Variants in COL4A6 observed in about 807,000 individuals in gnomAD.
COL4A6 encodes collagen alpha-6(IV) chain.
In COL4A6, 59 loss-of-function variants were observed where a neutral mutation model predicts 126.7. The ratio of observed to expected loss-of-function variants is 0.47; its 90% confidence interval spans 0.38 to 0.58. COL4A6 has a LOEUF of 0.58. Among genes scored for constraint, COL4A6 ranks in the 20% least tolerant of loss-of-function variants. The pLI is 0.00. For synonymous variants in COL4A6, 547 were observed against 496.6 expected (o/e 1.10, Z -1.35); for missense variants, 1,285 against 1,337.3 (o/e 0.96, Z 0.61).
chrX:108,220,972 C>T (rs769138571), intron 4 of COL4A6: 110 of 344,216 alleles, frequency 3.2e-4, no homozygotes, highest in Non-Finnish European at 5.0e-4. Flanking sequence ...GTGGCAGGCA[C>T]CTGTAATCCC....
intron 3 of COL4A6, among the ~76,000 whole-genome samples, chrX:108,298,755 C>T (rs1569414476): frequency 9.2e-6 from 1 of 109,194 alleles, no homozygotes. Context: ...GGCGGACTTG[C>T]CACATTGCAG....
rs779748859 is a variant in COL4A6, at chrX:108,187,279, C to T, written c.1768G>A (p.Gly590Ser). ...PGLPGLPGLPGDGGQGFPGEK... is the reference protein window; with the variant it reads ...PGLPGLPGLPSDGGQGFPGEK... ...CCTGGGAAGCCCTGTCCACCATCAC[C>T]CTAGACAACATATAAAACAAAGAAT... The change falls in exon 23 of 45, where the codon GGT becomes AGT. Residue 590 changes from glycine to serine, a missense_variant and splice_region_variant. By Grantham distance (56) the Gly-to-Ser change is moderately conservative. Transcript: ENST00000334504. The T allele has an allele frequency of 2.1e-5, 24 of 1,117,009 alleles. No individual in the cohort carries two copies. The highest frequency in any genetic ancestry group is 2.8e-5 in the Non-Finnish European group (24 of 843,154). The allele number at this position is 1,117,009 out of a possible 1,213,427, so 92.1% of individuals were successfully genotyped here.
chrX:108,268,728 C>T (rs1484219114), intron 3 of COL4A6: 6 of 141,492 alleles, frequency 4.2e-5, no homozygotes, highest in Admixed American at 8.1e-5. Flanking sequence ...GGTAGTTGTA[C>T]GGCTCTTTCT....
chrX:108,195,421 G>A (rs774753941), intron 14 of COL4A6, among the ~76,000 whole-genome samples: 13 of 111,384 alleles, frequency 1.2e-4, no homozygotes, highest in Admixed American at 4.7e-4. Flanking sequence ...ATAGGCGTGC[G>A]CCACCACGCT....
intron 2 of COL4A6, among the ~76,000 whole-genome samples, chrX:108,420,984 A>G (rs1291680842): frequency 8.9e-6 from 1 of 112,131 alleles, no homozygotes; most frequent in East Asian, 2.8e-4. Context: ...GCTTTAGGAG[A>G]TGAAATTAAA....
chrX:108,380,283 T>A (rs2040534405), intron 2 of COL4A6, among the ~76,000 whole-genome samples: 1 of 112,479 alleles, frequency 8.9e-6, no homozygotes, highest in Non-Finnish European at 1.9e-5. Flanking sequence ...AAGGGGATTA[T>A]CTCAGTAAAC....
intron 3 of COL4A6, among the ~76,000 whole-genome samples, chrX:108,223,051 A>G (rs1380382322): frequency 1.8e-5 from 2 of 112,120 alleles, no homozygotes; most frequent in Non-Finnish European, 3.8e-5. Context: ...CTATGCAGCT[A>G]TAAGAAAAAT....
chrX:108,359,617 T>C (rs912090445), intron 2 of COL4A6, among the ~76,000 whole-genome samples: 2 of 112,305 alleles, frequency 1.8e-5, no homozygotes, highest in African/African-American at 6.5e-5. Context: ...CCAAAACTTA[T>C]TAAGTGCCTA....
chrX:108,219,619 G>T lies in COL4A6; in HGVS notation c.324+79C>A, dbSNP rs147271277. On this transcript the variant is annotated intron_variant, in intron 5 of 44. Transcript: ENST00000334504. ...TGAGCATGCTTGCATGAGACAGGAT[G>T]TTGCTGAGGTCAAAGTGTCCAAAAT... 4.8e-4 allele frequency: 425 copies of T among 878,566 alleles called. 4 individuals carry two copies. The East Asian group carries it at 0.013, about 27-fold the overall frequency. The allele number at this position is 878,566 out of a possible 1,213,427, so 72.4% of individuals were successfully genotyped here. A position where few individuals can be genotyped will look rare whatever the true frequency, so the allele number is the denominator to read the frequency against.
At position 108,170,663 on chromosome X, in the gene COL4A6, C is replaced by A; in HGVS notation, c.3439G>T (p.Gly1147Cys). 2 of 1,206,161 alleles carry A rather than the reference C, an allele frequency of 1.7e-6. No homozygotes were observed. The highest frequency in any genetic ancestry group is 2.2e-6 in the Non-Finnish European group (2 of 893,964). The change falls in exon 35 of 45, where the codon GGT (glycine) becomes TGT (cysteine). Residue 1147 changes from glycine (G) to cysteine (C), a missense_variant. Gly to Cys is a radical substitution (Grantham distance 159). Transcript: ENST00000334504. ...AGAGGCCCAATTGCCCCTTGGTGAC[C>A]AGAAGAACCTGGAAGTCCTGGTTCT... is the stretch of plus-strand genomic sequence containing the variant. The part of the protein sequence containing the change: ...RGEPGLPGSS[G>C]HQGAIGPLGS...
chrX:108,243,872 C>A (rs1322321068), intron 3 of COL4A6, among the ~76,000 whole-genome samples: 1 of 111,997 alleles, frequency 8.9e-6, no homozygotes, highest in Non-Finnish European at 1.9e-5. Context: ...TGAACACCCT[C>A]CTACACAAAC....
At chrX:108,280,119 C>A (rs978093197) in intron 3 of COL4A6, among the ~76,000 whole-genome samples, 29 of 110,979 alleles carry the variant, frequency 2.6e-4, no homozygotes, top group Non-Finnish European at 2.8e-4. Context: ...CAAAAGCTAG[C>A]AGAAGGCAAG....
intron 5 of COL4A6, among the ~76,000 whole-genome samples, chrX:108,219,342 C>T (rs2035947450): frequency 8.9e-6 from 1 of 112,081 alleles, no homozygotes; most frequent in Non-Finnish European, 1.9e-5. Context: ...ATCTTAATTT[C>T]CCTATATGAG....
At chrX:108,161,361 C>T (rs1399049206) in intron 42 of COL4A6, among the ~76,000 whole-genome samples, 1 of 111,553 alleles carries the variant, frequency 9.0e-6, no homozygotes, top group East Asian at 2.8e-4. Flanking sequence ...ACCTTTTAAG[C>T]ACTGGAAGAG....
chrX:108,208,229 G>A (rs771243350), intron 8 of COL4A6, among the ~76,000 whole-genome samples: 32 of 111,845 alleles, frequency 2.9e-4, no homozygotes, highest in Middle Eastern at 4.3e-3. Flanking sequence ...TGCAATTACA[G>A]TTGGACATCT....
At chrX:108,229,686 TG>T (rs781514281) in intron 3 of COL4A6, among the ~76,000 whole-genome samples, 1 of 112,746 alleles carries the variant, frequency 8.9e-6, no homozygotes, top group Non-Finnish European at 1.9e-5. Flanking sequence ...CAAATGATTA[TG>T]GCTTGTGCAG....
At chrX:108,351,629 C>T (rs1428726277) in intron 2 of COL4A6, among the ~76,000 whole-genome samples, 1 of 110,722 alleles carries the variant, frequency 9.0e-6, no homozygotes, top group Non-Finnish European at 1.9e-5. Flanking sequence ...CGTGGAAATA[C>T]CCTCACAAGA....
intron 3 of COL4A6, among the ~76,000 whole-genome samples, chrX:108,235,596 G>A (rs2036411119): frequency 9.0e-6 from 1 of 111,035 alleles, no homozygotes; most frequent in Admixed American, 9.6e-5. Flanking sequence ...GAGGAGAGTA[G>A]GCAGCTCATG....
chrX:108,214,016 C>A, intron 6 of COL4A6, 96 bp downstream of exon 6: 1 of 700,730 alleles, frequency 1.4e-6, no homozygotes, highest in Non-Finnish European at 2.3e-6. Context: ...AGTGGCTGCC[C>A]CACAAAATCT....
Sources: gnomAD v4.1 joint callset for allele counts (sites outside exome capture counted in the v4.1 genomes callset) on GRCh38, gnomAD v4.1.1 for gene constraint, MANE v1.5 for transcripts, NCBI Gene and HGNC (gene_info 2026-07-23, HGNC 2026-07-21) for gene names.